ENKUR: variants seen among roughly 807,000 people sequenced by gnomAD.
ENKUR encodes the protein enkurin, TRPC channel interacting protein.
In ENKUR, 19 loss-of-function variants were observed where a neutral mutation model predicts 27.6. The observed-to-expected ratio is 0.69, with a 90% CI of 0.48 to 1.01. ENKUR has a LOEUF of 1.01. Among genes scored for constraint, ENKUR ranks in the 50% least tolerant of loss-of-function variants. The pLI is 0.00. For missense variants in ENKUR, 312 were observed against 310.5 expected (o/e 1.00, Z -0.04); for synonymous variants, 117 against 96.9 (o/e 1.21, Z -1.22).
intron 2 of ENKUR, among the ~76,000 whole-genome samples, chr10:25,031,840 C>G (rs1029817142): frequency 1.4e-5 from 2 of 146,694 alleles, no homozygotes; most frequent in African/African-American, 5.1e-5. Flanking sequence ...ATTTTTAAAG[C>G]CTTTTTCTTT....
chr10:24,995,020 C>CA (rs375997595), intron 3 of ENKUR, among the ~76,000 whole-genome samples: 14 of 151,774 alleles, frequency 9.2e-5, no homozygotes, highest in East Asian at 1.9e-4. Context: ...GAATATGTCT[C>CA]AAAAAAAATC....
intron 2 of ENKUR, among the ~76,000 whole-genome samples, chr10:25,056,385 G>A (rs1851256163): frequency 6.6e-6 from 1 of 152,190 alleles, no homozygotes; most frequent in African/African-American, 2.4e-5. Context: ...AATTTCTATA[G>A]AGGGACTAGG....
chr10:25,054,505 CTTT>C (rs1219233763), intron 2 of ENKUR, among the ~76,000 whole-genome samples: 245 of 117,090 alleles, frequency 2.1e-3, no homozygotes, highest in South Asian at 4.3e-3. Context: ...TTCTTTCTTT[CTTT>C]CTTTCCTTTC....
chr10:25,012,974 T>C (rs142714913), intron 1 of ENKUR, among the ~76,000 whole-genome samples: 41 of 152,292 alleles, frequency 2.7e-4, no homozygotes, highest in African/African-American at 9.4e-4. Flanking sequence ...GATCTGGTGA[T>C]AGGTAATTGA....
At chr10:25,031,453 G>A (rs1431110163) in intron 2 of ENKUR, among the ~76,000 whole-genome samples, 2 of 152,156 alleles carry the variant, frequency 1.3e-5, no homozygotes, top group African/African-American at 2.4e-5. Context: ...TACCAGGTGA[G>A]TGTAGCAAAA....
intron 2 of ENKUR, among the ~76,000 whole-genome samples, chr10:25,034,655 G>T (rs1197952229): frequency 6.6e-6 from 1 of 152,102 alleles, no homozygotes; most frequent in Admixed American, 6.5e-5. Flanking sequence ...AAGTCAACAT[G>T]GGTCATTACC....
intron 5 of ENKUR, 44 bp downstream of exon 5, chr10:24,984,692 T>C: frequency 6.6e-7 from 1 of 1,520,966 alleles, no homozygotes. Flanking sequence ...CCATGTTTTT[T>C]TCCCCTACAT....
chr10:25,025,263 G>C, intron 2 of ENKUR: 1 of 1,614,166 alleles, frequency 6.2e-7, no homozygotes, highest in East Asian at 2.2e-5. Flanking sequence ...AGGCTTTAAA[G>C]ATTAAAGAAA....
chr10:24,987,054 C>G (rs368321192), intron 4 of ENKUR, among the ~76,000 whole-genome samples: 2 of 152,282 alleles, frequency 1.3e-5, no homozygotes, highest in South Asian at 4.1e-4. Flanking sequence ...CCAGCTCTTT[C>G]GCCCTCTGGC....
intron 3 of ENKUR, among the ~76,000 whole-genome samples, chr10:24,992,935 G>C (rs1203898516): frequency 6.6e-6 from 1 of 152,092 alleles, no homozygotes; most frequent in Non-Finnish European, 1.5e-5. Context: ...TACAATAATG[G>C]AGCTTCATCA....
chr10:25,054,824 A>G (rs1030552616), intron 2 of ENKUR, among the ~76,000 whole-genome samples: 5 of 151,760 alleles, frequency 3.3e-5, no homozygotes, highest in African/African-American at 1.2e-4. Flanking sequence ...CCATAGGTGC[A>G]TGCCACAAAG....
rs1850560568 is a variant in ENKUR, at chr10:25,015,977, T to C, written c.-41A>G. On this transcript the variant is annotated 5_prime_UTR_variant, in exon 1 of 6. Transcript: ENST00000331161. ...CCTTAAAAGCTACTCTCCACAACTTTTTTCTCCCTGTCCCAGTATCTCCGT... is the reference window on the plus strand; with the variant it reads ...CCTTAAAAGCTACTCTCCACAACTTCTTTCTCCCTGTCCCAGTATCTCCGT... The C allele has an allele frequency of 1.3e-6, 2 of 1,585,292 alleles. No individual in the cohort carries two copies. The highest frequency in any genetic ancestry group is 1.7e-6 in the Non-Finnish European group (2 of 1,167,068).
chr10:25,025,002 A>G, intron 2 of ENKUR: 1 of 1,614,224 alleles, frequency 6.2e-7, no homozygotes, highest in Non-Finnish European at 8.5e-7. Flanking sequence ...TATTTAATCG[A>G]TTAGAAAGTC....
rs61853334 is a variant in ENKUR, at chr10:25,011,162, C to T, written c.77+4698G>A. On this transcript the variant is annotated intron_variant, in intron 1 of 5. Coordinates refer to ENST00000331161, the MANE Select transcript of ENKUR (RefSeq NM_145010.4). Reference sequence around the variant, plus strand: ...CTAACTGGTGTGAGATGGTATCTCACTGTGGTTTTGATTTGCATTTCTCTG... The same window carrying T: ...CTAACTGGTGTGAGATGGTATCTCATTGTGGTTTTGATTTGCATTTCTCTG... Among the ~76,000 whole-genome samples, 22 of 151,858 alleles carry T rather than the reference C, an allele frequency of 1.4e-4. 1 individual carries two copies. Among genetic ancestry groups the T allele is most frequent in the Admixed American group, 1.2e-3 (19 of 15,240 alleles).
intron 4 of ENKUR, among the ~76,000 whole-genome samples, chr10:24,986,474 G>C (rs1849781596): frequency 6.6e-6 from 1 of 152,196 alleles, no homozygotes; most frequent in Admixed American, 6.5e-5. Context: ...CCAAAAAGAA[G>C]CCCTCAAAAG....
At chr10:25,028,077 ATGAATCT>A (rs776117811) in intron 2 of ENKUR, among the ~76,000 whole-genome samples, 6 of 152,202 alleles carry the variant, frequency 3.9e-5, no homozygotes, top group Admixed American at 1.3e-4. Context: ...AGAATCTAAG[ATGAATCT>A]TGAAGGATGG....
chr10:25,008,116 A>C (rs1850358059), intron 1 of ENKUR, among the ~76,000 whole-genome samples: 1 of 151,772 alleles, frequency 6.6e-6, no homozygotes, highest in African/African-American at 2.4e-5. Context: ...CCAGATGAAA[A>C]ATACATTCTA....
intron 1 of ENKUR, among the ~76,000 whole-genome samples, chr10:25,000,732 A>C (rs1850170511): frequency 6.6e-6 from 1 of 152,100 alleles, no homozygotes; most frequent in South Asian, 2.1e-4. Flanking sequence ...TCCAGCCACC[A>C]ATCACTTTTG....
At chr10:24,984,686 G>A (rs1564333109) in intron 5 of ENKUR, 50 bp downstream of exon 5, 1 of 1,502,500 alleles carries the variant, frequency 6.7e-7, no homozygotes, top group African/African-American at 1.4e-5. Flanking sequence ...TATTTTCCAT[G>A]TTTTTTTCCC....
Sources: gnomAD v4.1 joint callset for allele counts (sites outside exome capture counted in the v4.1 genomes callset) on GRCh38, gnomAD v4.1.1 for gene constraint, MANE v1.5 for transcripts, NCBI Gene and HGNC (gene_info 2026-07-23, HGNC 2026-07-21) for gene names.